The following GEMIN8 variants were observed in gnomAD, a reference collection of about 807,000 sequenced individuals.
GEMIN8 encodes the protein gem nuclear organelle associated protein 8.
For synonymous variants in GEMIN8, 80 were observed against 78.5 expected (o/e 1.02, Z -0.10); for missense variants, 185 against 205.9 (o/e 0.90, Z 0.62).
At chrX:13,998,077 C>CT in the GEMIN8 span, among the ~76,000 whole-genome samples, 659 of 91,650 alleles carry the variant, frequency 7.2e-3, 11 homozygotes, top group Admixed American at 0.032. Flanking sequence ...ACCATTTTTG[C>CT]TTTTTTTTTT....
chrX:14,023,849 A>C (rs1014339200), intron 2 of GEMIN8, among the ~76,000 whole-genome samples: 1 of 112,455 alleles, frequency 8.9e-6, no homozygotes, highest in African/African-American at 3.2e-5. Flanking sequence ...TGTTCTGGAA[A>C]TTAAGTGTTT....
the GEMIN8 span, among the ~76,000 whole-genome samples, chrX:13,997,060 G>A: frequency 1.9e-5 from 2 of 106,916 alleles, no homozygotes; most frequent in Non-Finnish European, 3.8e-5. Context: ...TTCTGCCTCA[G>A]CCTCTGGAGT....
At chrX:14,013,936 T>C in intron 4 of GEMIN8, 1 of 718,973 alleles carries the variant, frequency 1.4e-6, no homozygotes, top group Non-Finnish European at 1.6e-6. Flanking sequence ...TCCATCTGGG[T>C]TCAGGATACA....
intron 4 of GEMIN8, among the ~76,000 whole-genome samples, chrX:14,015,954 T>C (rs1295067253): frequency 9.2e-6 from 1 of 108,754 alleles, no homozygotes; most frequent in Non-Finnish European, 1.9e-5. Flanking sequence ...GGCACTCAGA[T>C]TACTTACATA....
chrX:14,002,097 C>CAAAAAAA (rs59550732), downstream of GEMIN8, among the ~76,000 whole-genome samples: 1 of 23,630 alleles, frequency 4.2e-5, no homozygotes, highest in Non-Finnish European at 7.3e-5. Flanking sequence ...TGCACTCCAG[C>CAAAAAAA]AAAAAAAAAA....
At chrX:14,013,788 GTT>G (rs58567489) in intron 4 of GEMIN8, 504 of 111,203 alleles carry the variant, frequency 4.5e-3, no homozygotes, top group Non-Finnish European at 7.1e-3. Flanking sequence ...GAATAAATCT[GTT>G]TTTTTTTTTT....
the GEMIN8 span, among the ~76,000 whole-genome samples, chrX:13,994,564 T>A: frequency 8.9e-6 from 1 of 112,437 alleles, no homozygotes; most frequent in Non-Finnish European, 1.9e-5. Flanking sequence ...CAGAAAATGG[T>A]GGATGGATGC....
chrX:14,027,488 T>C lies in GEMIN8; in HGVS notation c.-115-1267A>G, dbSNP rs139437378. Among the ~76,000 whole-genome samples the C allele has an allele frequency of 4.8e-3, 546 of 112,779 alleles. 3 individuals carry two copies. The highest frequency in any genetic ancestry group is 0.015 in the African/African-American group (478 of 31,098). On this transcript the variant is annotated intron_variant, in intron 1 of 4. Transcript: ENST00000680255. ...AAAGCCTGCATCTCCCCGTCTATAA[T>C]AGCTACAGTTAAAACTGATAGGCAA... is the stretch of plus-strand genomic sequence containing the variant.
chrX:14,021,565 T>C lies in GEMIN8; in HGVS notation c.-33-54A>G, dbSNP rs1924319663. The C allele has an allele frequency of 8.0e-6, 7 of 872,405 alleles. No individual in the cohort carries two copies. In the East Asian group the frequency reaches 9.5e-5, roughly 12 times the overall value. 71.9% of individuals were successfully genotyped at this position (872,405 alleles called of 1,213,427 possible). ...TCTGATCAGTATGGCTGTGTGATAT[T>C]TGTGGCTATTCTATGGTTTGTGAGG... is the stretch of plus-strand genomic sequence containing the variant. On this transcript the variant is annotated intron_variant, in intron 2 of 4. Coordinates refer to ENST00000680255, the MANE Select transcript of GEMIN8 (RefSeq NM_001042479.2).
At chrX:14,022,599 C>CTT (rs11353765) in intron 2 of GEMIN8, among the ~76,000 whole-genome samples, 1 of 106,389 alleles carries the variant, frequency 9.4e-6, no homozygotes, top group South Asian at 3.9e-4. Flanking sequence ...TTAAAATAGA[C>CTT]TTTTTTTTTT....
the GEMIN8 span, among the ~76,000 whole-genome samples, chrX:13,984,344 A>G: frequency 8.9e-6 from 1 of 112,562 alleles, no homozygotes; most frequent in Non-Finnish European, 1.9e-5. Context: ...TTACACAGCT[A>G]TAAAAATACA....
At chrX:13,991,814 G>T in the GEMIN8 span, among the ~76,000 whole-genome samples, 1 of 112,266 alleles carries the variant, frequency 8.9e-6, no homozygotes, top group African/African-American at 3.2e-5. Context: ...TCAGCAAGAG[G>T]TGACATCCTA....
chrX:14,026,300 C>T, intron 1 of GEMIN8, 79 bp from the exon 2 acceptor site: 1 of 752,605 alleles, frequency 1.3e-6, no homozygotes, highest in Non-Finnish European at 1.6e-6. Flanking sequence ...CTCCAGTGAG[C>T]ACAATGGCAT....
chrX:13,999,679 G>C, the GEMIN8 span, among the ~76,000 whole-genome samples: 1 of 112,057 alleles, frequency 8.9e-6, no homozygotes, highest in African/African-American at 3.2e-5. Flanking sequence ...CTCTGTGACA[G>C]TTTCTCAGTC....
intron 4 of GEMIN8, among the ~76,000 whole-genome samples, chrX:14,013,205 G>A (rs1923681089): frequency 8.9e-6 from 1 of 111,890 alleles, no homozygotes; most frequent in South Asian, 3.7e-4. Flanking sequence ...TCAAAACAAG[G>A]TGAGCGCTCA....
At chrX:14,004,013 T>C (rs1923059678), downstream of GEMIN8, among the ~76,000 whole-genome samples, 1 of 112,191 alleles carries the variant, frequency 8.9e-6, no homozygotes, top group Admixed American at 9.5e-5. Flanking sequence ...ATTAGACAGA[T>C]AGAAAAACCC....
intron 4 of GEMIN8, among the ~76,000 whole-genome samples, chrX:14,012,935 AT>A (rs1923662567): frequency 9.0e-6 from 1 of 111,192 alleles, no homozygotes; most frequent in African/African-American, 3.3e-5. Flanking sequence ...TACTCACACA[AT>A]TTTTTAAAAA....
rs1233963437 is a variant in GEMIN8 at position 14,006,867 on chromosome X, G to A, written c.*2046C>T. On this transcript the variant is annotated 3_prime_UTR_variant, in exon 5 of 5. Coordinates refer to ENST00000680255, the MANE Select transcript of GEMIN8 (RefSeq NM_001042479.2). ...ATAAGGAAGGAACCAGAAGCACTGA[G>A]AGGTGAAGCCTTAGGTAACAAAGCC... Among the ~76,000 whole-genome samples, 1 of 111,809 alleles carries A rather than the reference G, an allele frequency of 8.9e-6. No individual in the cohort carries two copies. Among genetic ancestry groups the A allele is most frequent in the African/African-American group, 3.3e-5 (1 of 30,735 alleles).
At chrX:13,998,179 A>C in the GEMIN8 span, among the ~76,000 whole-genome samples, 2 of 106,364 alleles carry the variant, frequency 1.9e-5, no homozygotes, top group South Asian at 4.2e-4. Flanking sequence ...AGCTCGGGTG[A>C]TTCTCCCACC....
Sources: gnomAD v4.1 joint callset for allele counts (sites outside exome capture counted in the v4.1 genomes callset) on GRCh38, gnomAD v4.1.1 for gene constraint, MANE v1.5 for transcripts, NCBI Gene and HGNC (gene_info 2026-07-23, HGNC 2026-07-21) for gene names.